Variants in CD36 observed in about 807,000 individuals in gnomAD.
CD36 encodes platelet glycoprotein 4.
A neutral mutation model predicts 55.2 loss-of-function variants in CD36; 119 were observed. The ratio of observed to expected loss-of-function variants is 2.15; its 90% CI spans 1.86 to 2.51. The LOEUF (loss-of-function observed/expected upper bound fraction) is 2.51, where lower values mean the gene tolerates loss of function less well. CD36 is among the 30% of genes most tolerant of loss of function. CD36 has a pLI of 0.00. For missense variants in CD36, 819 were observed against 555.5 expected (o/e 1.47, Z -4.77); for synonymous variants, 186 against 193.6 (o/e 0.96, Z 0.33).
intron 4 of CD36, among the ~76,000 whole-genome samples, 162 bp downstream of exon 4, chr7:80,656,862 G>T (rs1011377583): frequency 2.6e-5 from 4 of 152,024 alleles, no homozygotes; most frequent in African/African-American, 9.6e-5. Context: ...CCTAATCTAA[G>T]AATTTAATGA....
chr7:80,661,984 G>A (rs1019782704), intron 5 of CD36, among the ~76,000 whole-genome samples: 6 of 152,080 alleles, frequency 3.9e-5, no homozygotes, highest in African/African-American at 1.4e-4. Context: ...CACAACAGGC[G>A]GGCATTTATG....
chr7:80,631,250 T>G (rs2116098393), intron 1 of CD36, among the ~76,000 whole-genome samples: 1 of 152,110 alleles, frequency 6.6e-6, no homozygotes. Flanking sequence ...TATGTTTGAG[T>G]CCTTCGTTGT....
intron 1 of CD36, among the ~76,000 whole-genome samples, chr7:80,620,818 G>T (rs140075942): frequency 9.1e-4 from 139 of 152,234 alleles, no homozygotes; most frequent in Non-Finnish European, 1.7e-3. Flanking sequence ...AACCAGAAAA[G>T]GTGGACAAAA....
At chr7:80,665,710 T>A (rs1475386865) in intron 7 of CD36, among the ~76,000 whole-genome samples, 1 of 152,116 alleles carries the variant, frequency 6.6e-6, no homozygotes, top group Non-Finnish European at 1.5e-5. Context: ...ATGGCAAGAC[T>A]GAACATGATT....
At chr7:80,613,327 T>C (rs1220124595) in intron 1 of CD36, among the ~76,000 whole-genome samples, 1 of 152,134 alleles carries the variant, frequency 6.6e-6, no homozygotes, top group Non-Finnish European at 1.5e-5. Context: ...TCTTAAAATA[T>C]GATAAAGGCA....
At chr7:80,664,342 A>C (rs1183271677) in intron 6 of CD36, 64 bp from the exon 7 acceptor site, 2 of 833,564 alleles carry the variant, frequency 2.4e-6, no homozygotes, top group Non-Finnish European at 4.2e-6. Flanking sequence ...AAAGTGAGTT[A>C]TGTATTGTAC....
intron 1 of CD36, among the ~76,000 whole-genome samples, chr7:80,608,634 G>A (rs113212954): frequency 0.025 from 3,868 of 152,160 alleles, 77 homozygotes; most frequent in Non-Finnish European, 0.039. Flanking sequence ...CAGACTTGGG[G>A]AGATTAAAAA....
rs752948773 is a variant in CD36, at chr7:80,664,485, A to G, written c.689A>G (p.Tyr230Cys). 4.5e-6 allele frequency: 7 copies of G among 1,543,240 alleles called. No homozygotes were observed. Among genetic ancestry groups the G allele is most frequent in the Admixed American group, 3.3e-5 (2 of 59,856 alleles). ...NISKVAIIDT[Y>C]KGKRNLSYWE... ...AGTAAAGTTGCCATAATCGACACAT[A>G]TAAAGGTAAAAGGTAAGTATTCTGG... Residue 230 changes from tyrosine (Y) to cysteine (C), a missense_variant, in exon 7 of 15, where the codon TAT becomes TGT. Transcript: ENST00000447544.
chr7:80,665,794 C>T (rs1797028365), intron 7 of CD36: 1 of 152,046 alleles, frequency 6.6e-6, no homozygotes, highest in Non-Finnish European at 1.5e-5. Context: ...GTTTTTCCAT[C>T]ACCAAAAAGT....
At chr7:80,629,150 T>G (rs979190016) in intron 1 of CD36, among the ~76,000 whole-genome samples, 5 of 152,078 alleles carry the variant, frequency 3.3e-5, no homozygotes, top group Non-Finnish European at 5.9e-5. Flanking sequence ...AACTCCAGTG[T>G]TAGCACTCTT....
chr7:80,673,618 T>C, intron 13 of CD36: 1 of 569,958 alleles, frequency 1.8e-6, no homozygotes, highest in South Asian at 2.3e-5. Context: ...AATGCATCTA[T>C]TAAACACATT....
At chr7:80,667,758 T>TTTTTTTG (rs1797257738) in intron 8 of CD36, among the ~76,000 whole-genome samples, 1 of 141,786 alleles carries the variant, frequency 7.1e-6, no homozygotes, top group African/African-American at 2.6e-5. Context: ...TTTTTTTTTT[T>TTTTTTTG]TTTTTTTTTT....
chr7:80,675,106 C>CTAA (rs1562830364), intron 14 of CD36, among the ~76,000 whole-genome samples: 1 of 152,068 alleles, frequency 6.6e-6, no homozygotes, highest in Non-Finnish European at 1.5e-5. Flanking sequence ...AAAAGGCAAC[C>CTAA]TAATTTTTGG....
intron 1 of CD36, among the ~76,000 whole-genome samples, chr7:80,632,888 A>G (rs1794166980): frequency 6.6e-6 from 1 of 151,924 alleles, no homozygotes; most frequent in South Asian, 2.1e-4. Flanking sequence ...CTTAATGACA[A>G]TGAATTTTTT....
chr7:80,638,190 C>T (rs868109709), upstream of CD36, among the ~76,000 whole-genome samples: 35 of 151,846 alleles, frequency 2.3e-4, no homozygotes, highest in Middle Eastern at 6.8e-3. Flanking sequence ...TTCAGAATTA[C>T]GCTGTATAAA....
chr7:80,670,699 G>A, intron 9 of CD36: 2 of 425,294 alleles, frequency 4.7e-6, no homozygotes, highest in Non-Finnish European at 8.5e-6. Context: ...TAAAGTATTT[G>A]AAGGAAGTCC....
rs1379527885 is a variant in CD36, at chr7:80,667,408, C to CT, written c.748+919_748+920insT. Among the ~76,000 whole-genome samples the CT allele has an allele frequency of 2.9e-4, 30 of 104,936 alleles. 1 individual carries two copies. The highest frequency in any genetic ancestry group is 9.6e-4 in the African/African-American group (25 of 25,922). The allele number at this position is 104,936 out of a possible 152,430, so 68.8% of individuals were successfully genotyped here. On this transcript the variant is annotated intron_variant, in intron 8 of 14. Transcript: ENST00000447544. ...TTGTGCCTCTGCACTCTAGCCTGGG[C>CT]AATAGTGTGAGACCCTGTCTCAAAA... is the stretch of plus-strand genomic sequence containing the variant.
chr7:80,640,530 CCCAGAACTGAAT>C (rs1380734674), intron 1 of CD36, among the ~76,000 whole-genome samples: 16 of 151,948 alleles, frequency 1.1e-4, no homozygotes, highest in African/African-American at 3.9e-4. Flanking sequence ...AATACTAACA[CCCAGAACTGAAT>C]CTACATTTCT....
chr7:80,646,390 A>G, intron 2 of CD36: 1 of 320,462 alleles, frequency 3.1e-6, no homozygotes, highest in Non-Finnish European at 6.1e-6. Flanking sequence ...AGATTTCAAT[A>G]TGTTAATCAT....
Sources: gnomAD v4.1 joint callset for allele counts (sites outside exome capture counted in the v4.1 genomes callset) on GRCh38, gnomAD v4.1.1 for gene constraint, MANE v1.5 for transcripts, NCBI Gene and HGNC (gene_info 2026-07-23, HGNC 2026-07-21) for gene names.